DAB1: variants seen among roughly 807,000 people sequenced by gnomAD.
The protein encoded by DAB1 is disabled homolog 1.
In DAB1, 15 loss-of-function variants were observed where a neutral mutation model predicts 64.6. The observed-to-expected ratio is 0.23, with a 90% CI of 0.16 to 0.36. DAB1 has a LOEUF of 0.36. DAB1 is among the 10% of genes least tolerant of loss of function. The pLI is 1.00. For synonymous variants in DAB1, 235 were observed against 251.9 expected, an observed-to-expected ratio of 0.93 and a Z score of 0.64; for missense variants, 596 against 706.7, an observed-to-expected ratio of 0.84 and a Z score of 1.78.
chr1:58,485,944 TA>T (rs1485516990), intron 3 of DAB1, among the ~76,000 whole-genome samples: 1 of 152,102 alleles, frequency 6.6e-6, no homozygotes, highest in Non-Finnish European at 1.5e-5. Context: ...TGTATTTTAA[TA>T]GCAAGAATAT....
chr1:58,099,540 G>T (rs139373712), intron 5 of DAB1, among the ~76,000 whole-genome samples: 10 of 152,268 alleles, frequency 6.6e-5, no homozygotes, highest in Non-Finnish European at 1.2e-4. Context: ...TTTGCTATGC[G>T]CCAGGCAGGT....
intron 2 of DAB1, among the ~76,000 whole-genome samples, chr1:57,285,721 A>C (rs1195279714): frequency 1.3e-5 from 2 of 152,200 alleles, no homozygotes; most frequent in Non-Finnish European, 2.9e-5. Context: ...TTAGAACTAA[A>C]AACCAGGTCT....
intron 7 of DAB1, among the ~76,000 whole-genome samples, chr1:57,451,362 C>T (rs552687420): frequency 6.6e-6 from 1 of 152,338 alleles, no homozygotes; most frequent in Non-Finnish European, 1.5e-5. Context: ...TTTGTTCTAT[C>T]ACATCCTGCT....
intron 3 of DAB1, among the ~76,000 whole-genome samples, chr1:58,498,091 A>G (rs1032991254): frequency 1.3e-5 from 2 of 152,168 alleles, no homozygotes. Context: ...CTTCTGAGAA[A>G]AACAGAGATG....
chr1:58,534,542 G>GT (rs895593285), intron 1 of DAB1, among the ~76,000 whole-genome samples: 11 of 152,148 alleles, frequency 7.2e-5, no homozygotes, highest in Non-Finnish European at 1.5e-4. Flanking sequence ...CTAATACTAA[G>GT]TTTTTTTATG....
At chr1:57,770,984 T>C (rs1487946955) in intron 6 of DAB1, among the ~76,000 whole-genome samples, 1 of 152,158 alleles carries the variant, frequency 6.6e-6, no homozygotes, top group Non-Finnish European at 1.5e-5. Context: ...CCCTAGCCTA[T>C]GAAGATGGTA....
intron 5 of DAB1, among the ~76,000 whole-genome samples, chr1:58,042,551 T>G (rs915729731): frequency 6.6e-6 from 1 of 152,144 alleles, no homozygotes; most frequent in South Asian, 2.1e-4. Flanking sequence ...TGGCAATATA[T>G]GCATGGCGCA....
intron 5 of DAB1, among the ~76,000 whole-genome samples, chr1:57,998,609 C>A (rs778128703): frequency 3.9e-5 from 6 of 152,168 alleles, no homozygotes; most frequent in Non-Finnish European, 8.8e-5. Context: ...GGTGATCCAC[C>A]TGCCTTGGTC....
intron 4 of DAB1, among the ~76,000 whole-genome samples, chr1:58,168,053 C>T (rs1358500656): frequency 6.6e-6 from 1 of 152,170 alleles, no homozygotes; most frequent in Admixed American, 6.5e-5. Context: ...ACCACTGGAC[C>T]CCTTTCACTT....
At chr1:57,282,535 C>G (rs1223090782) in intron 2 of DAB1, among the ~76,000 whole-genome samples, 1 of 152,172 alleles carries the variant, frequency 6.6e-6, no homozygotes, top group Non-Finnish European at 1.5e-5. Context: ...AGGTGCTGAA[C>G]TAAGTCACCA....
chr1:58,249,605 G>T (rs1368409349), intron 4 of DAB1, among the ~76,000 whole-genome samples: 1 of 152,106 alleles, frequency 6.6e-6, no homozygotes, highest in Admixed American at 6.5e-5. Flanking sequence ...AGAGAACGCG[G>T]ACTGAGCGAG....
At chr1:58,530,907 A>G (rs756889773) in intron 1 of DAB1, among the ~76,000 whole-genome samples, 27 of 152,076 alleles carry the variant, frequency 1.8e-4, no homozygotes, top group Non-Finnish European at 3.2e-4. Flanking sequence ...TGGTTTATCT[A>G]CTTATATACC....
Position 57,918,142 on chromosome 1 carries a change from G to A in DAB1, n.388-33980C>T, listed in dbSNP as rs968158525. The stretch of plus-strand genomic sequence containing the variant: ...GATTTACACTTTAAATGAGTGAACT[G>A]TATACTATGTAAAAATATCTCAATA... On this transcript the variant is annotated intron_variant and non_coding_transcript_variant, in intron 5 of 20. Transcript: ENST00000485760. Among the ~76,000 whole-genome samples, 90 of 151,362 alleles carry A rather than the reference G, an allele frequency of 5.9e-4. 1 individual carries two copies. The highest frequency in any genetic ancestry group is 1.2e-4 in the Non-Finnish European group (8 of 67,868).
At chr1:57,367,043 C>CAAAATAAAATAAAATAAAAAAT (rs1680061154) in intron 1 of DAB1, among the ~76,000 whole-genome samples, 10 of 91,670 alleles carry the variant, frequency 1.1e-4, no homozygotes, top group Non-Finnish European at 2.0e-4. Flanking sequence ...CCTGTCTCCA[C>CAAAATAAAATAAAATAAAAAAT]AAAATAAAAT....
intron 5 of DAB1, among the ~76,000 whole-genome samples, chr1:57,950,927 G>T (rs1256965302): frequency 1.3e-5 from 2 of 152,184 alleles, no homozygotes; most frequent in East Asian, 3.9e-4. Flanking sequence ...TCAATATCTA[G>T]TTTGGAAACA....
chr1:57,595,488 T>G (rs1442844620), intron 7 of DAB1, among the ~76,000 whole-genome samples: 2 of 152,086 alleles, frequency 1.3e-5, no homozygotes, highest in Non-Finnish European at 2.9e-5. Context: ...ATGTATACTC[T>G]CCTTCTCTGG....
intron 1 of DAB1, among the ~76,000 whole-genome samples, chr1:57,416,003 C>T (rs756060685): frequency 6.6e-6 from 1 of 152,060 alleles, no homozygotes; most frequent in Non-Finnish European, 1.5e-5. Flanking sequence ...AACTTCTAAC[C>T]CCATGAGAGA....
intron 6 of DAB1, among the ~76,000 whole-genome samples, chr1:57,711,606 G>A (rs1557437489): frequency 6.6e-6 from 1 of 152,226 alleles, no homozygotes. Context: ...TAAGTGAACA[G>A]CGGACTATAA....
At chr1:57,807,413 G>T (rs572809094) in intron 6 of DAB1, among the ~76,000 whole-genome samples, 1 of 152,260 alleles carries the variant, frequency 6.6e-6, no homozygotes, top group African/African-American at 2.4e-5. Context: ...GTATCACTTG[G>T]AGCAGAGACA....
Sources: allele counts gnomAD v4.1 joint callset (sites outside exome capture counted in the v4.1 genomes callset), GRCh38; gene constraint gnomAD v4.1.1; transcripts MANE v1.5; gene names NCBI Gene and HGNC (gene_info 2026-07-23, HGNC 2026-07-21).